PIK3C2G: variants seen among roughly 807,000 people sequenced by gnomAD.
PIK3C2G encodes phosphatidylinositol-4-phosphate 3-kinase catalytic subunit type 2 gamma.
A neutral mutation model predicts 181.1 loss-of-function variants in PIK3C2G; 168 were observed. The ratio of observed to expected loss-of-function variants is 0.93; its 90% CI spans 0.82 to 1.05. PIK3C2G has a LOEUF of 1.05. Ranked by LOEUF, PIK3C2G falls within the 50% of genes least tolerant of loss-of-function variation. The pLI, the probability that PIK3C2G is intolerant of heterozygous loss-of-function variation, is 0.00. For synonymous variants in PIK3C2G, 573 were observed against 592.2 expected (o/e 0.97, Z 0.47); for missense variants, 1,869 against 1,732.8 (o/e 1.08, Z -1.40).
the PIK3C2G span, among the ~76,000 whole-genome samples, chr12:18,673,819 C>T: frequency 6.6e-6 from 1 of 152,164 alleles, no homozygotes; most frequent in Admixed American, 6.5e-5. Flanking sequence ...GGACTCAGGG[C>T]CTCAGTTGCT....
intron 1 of PIK3C2G, among the ~76,000 whole-genome samples, chr12:18,276,766 T>C (rs1949003896): frequency 6.6e-6 from 1 of 152,256 alleles, no homozygotes. Flanking sequence ...TTGACATATA[T>C]ACTTAAAAAC....
chr12:18,257,203 A>C (rs151091412), upstream of PIK3C2G, among the ~76,000 whole-genome samples: 3 of 152,166 alleles, frequency 2.0e-5, no homozygotes, highest in African/African-American at 7.2e-5. Flanking sequence ...AGGAAGTCTT[A>C]AGTTGGATGG....
intron 15 of PIK3C2G, among the ~76,000 whole-genome samples, chr12:18,398,480 C>G (rs531698788): frequency 1.3e-5 from 2 of 152,218 alleles, no homozygotes; most frequent in Admixed American, 6.5e-5. Context: ...AAAGATAGAC[C>G]TTTAAAAGAT....
At chr12:18,303,609 T>C (rs1950301798) in intron 5 of PIK3C2G, among the ~76,000 whole-genome samples, 1 of 152,174 alleles carries the variant, frequency 6.6e-6, no homozygotes, top group Non-Finnish European at 1.5e-5. Context: ...ATTACAGGCA[T>C]GAGCTGCCAC....
chr12:18,685,658 C>A, the PIK3C2G span: 1 of 515,858 alleles, frequency 1.9e-6, no homozygotes, highest in African/African-American at 1.9e-5. Context: ...ATTACCTTGA[C>A]CTAAGAAGAG....
chr12:18,411,545 T>C (rs1024110079), intron 16 of PIK3C2G, among the ~76,000 whole-genome samples: 3 of 152,208 alleles, frequency 2.0e-5, no homozygotes, highest in African/African-American at 7.2e-5. Flanking sequence ...CATCTGATCA[T>C]TTTTAGTACT....
chr12:18,444,663 A>AT lies in PIK3C2G; in HGVS notation c.2504+20631dup, dbSNP rs377077499. 1.7e-3 allele frequency among the ~76,000 whole-genome samples: 263 copies of AT among 152,072 alleles called. 1 individual carries two copies. The highest frequency in any genetic ancestry group is 5.4e-3 in the African/African-American group (223 of 41,514). On this transcript the variant is annotated intron_variant, in intron 18 of 32. Transcript: ENST00000538779. ...AATAACAACAATATCAACAATGACT[A>AT]TTTTTTTCTTTCATTCTTTTCCTTC... is the stretch of plus-strand genomic sequence containing the variant.
chr12:18,431,606 C>G (rs1946162174), intron 18 of PIK3C2G, among the ~76,000 whole-genome samples: 1 of 152,176 alleles, frequency 6.6e-6, no homozygotes, highest in African/African-American at 2.4e-5. Flanking sequence ...GGAACACTCC[C>G]TGAAGCAAGG....
chr12:18,694,917 G>T, the PIK3C2G span: 1 of 1,588,442 alleles, frequency 6.3e-7, no homozygotes, highest in Non-Finnish European at 8.6e-7. Flanking sequence ...TACCCTTATT[G>T]TAAGTGTAAT....
chr12:18,442,174 A>G (rs1946780488), intron 18 of PIK3C2G, among the ~76,000 whole-genome samples: 1 of 150,420 alleles, frequency 6.6e-6, no homozygotes, highest in Non-Finnish European at 1.5e-5. Flanking sequence ...AATGAAAGAT[A>G]TATTGATATG....
chr12:18,564,269 TA>T (rs1945499164), intron 28 of PIK3C2G, among the ~76,000 whole-genome samples: 1 of 151,954 alleles, frequency 6.6e-6, no homozygotes, highest in Non-Finnish European at 1.5e-5. Context: ...CTTCAGTCTA[TA>T]AAAAAGGTGT....
At chr12:18,714,392 A>G in the PIK3C2G span, among the ~76,000 whole-genome samples, 2 of 152,270 alleles carry the variant, frequency 1.3e-5, no homozygotes, top group East Asian at 3.9e-4. Flanking sequence ...TCCATAAAAC[A>G]TGTTTGACAT....
intron 18 of PIK3C2G, among the ~76,000 whole-genome samples, chr12:18,434,249 C>A (rs1038372312): frequency 6.6e-6 from 1 of 152,138 alleles, no homozygotes; most frequent in Admixed American, 6.5e-5. Flanking sequence ...TGAACCCATT[C>A]ATGAGTGAAT....
rs931293972 is a variant in PIK3C2G at position 18,497,687 on chromosome 12, G to T, written c.2955G>T (p.Leu985=). 4.3e-6 allele frequency: 7 copies of T among 1,612,026 alleles called. No homozygotes were observed. The highest frequency in any genetic ancestry group is 5.9e-6 in the Non-Finnish European group (7 of 1,178,442). Residue 985 remains leucine (L), a synonymous_variant, in exon 22 of 33, where the codon CTG becomes CTT. Coordinates refer to ENST00000538779, the MANE Select transcript of PIK3C2G (RefSeq NM_001288772.2). Reference sequence around the variant, plus strand: ...TTCAAGTGATGGACAATATTTGGCTGCAGGAAGGCTTGGATATGCAAATGA... The same window carrying T: ...TTCAAGTGATGGACAATATTTGGCTTCAGGAAGGCTTGGATATGCAAATGA... ...QLIQVMDNIW[L]QEGLDMQMII...
chr12:18,632,700 A>G (rs1157116309), intron 31 of PIK3C2G, among the ~76,000 whole-genome samples: 1 of 152,200 alleles, frequency 6.6e-6, no homozygotes, highest in African/African-American at 2.4e-5. Context: ...TAAGTCCCAG[A>G]GGACCAGAAG....
chr12:18,699,726 A>G, the PIK3C2G span: 1 of 1,452,562 alleles, frequency 6.9e-7, no homozygotes, highest in South Asian at 1.1e-5. Context: ...TCATTGAGCA[A>G]TCTTAACACC....
chr12:18,353,114 G>A (rs1592037558), intron 11 of PIK3C2G, among the ~76,000 whole-genome samples: 1 of 152,276 alleles, frequency 6.6e-6, no homozygotes, highest in East Asian at 1.9e-4. Context: ...TCCCTGCTCT[G>A]AAGAGGCACA....
At chr12:18,690,261 C>A in the PIK3C2G span, among the ~76,000 whole-genome samples, 1 of 152,076 alleles carries the variant, frequency 6.6e-6, no homozygotes, top group South Asian at 2.1e-4. Flanking sequence ...TTGGCTCTTG[C>A]TACCCAAGCT....
chr12:18,424,028 T>A lies in PIK3C2G; in HGVS notation c.2493T>A (p.His831Gln). The A allele has an allele frequency of 6.2e-7, 1 of 1,605,574 alleles. No individual in the cohort carries two copies. Among genetic ancestry groups the A allele is most frequent in the South Asian group, 1.1e-5 (1 of 89,874 alleles). Reference sequence around the variant, plus strand: ...CCTTGCAGAGCATCCAGGTTGCCCATCGTCTTTACTGGTAAGATTAACTAA... The same window carrying A: ...CCTTGCAGAGCATCCAGGTTGCCCAACGTCTTTACTGGTAAGATTAACTAA... ...HRSLQSIQVA[H>Q]RLYWLLKNAE... is the part of the protein sequence containing the mutation. The change falls in exon 18 of 33, where the codon CAT (histidine) becomes CAA (glutamine). Residue 831 changes from histidine to glutamine, a missense_variant. Physicochemically the swap from His to Gln is conservative, Grantham distance 24. Transcript: ENST00000538779.
Sources: gnomAD v4.1 joint callset for allele counts (sites outside exome capture counted in the v4.1 genomes callset) on GRCh38, gnomAD v4.1.1 for gene constraint, MANE v1.5 for transcripts, NCBI Gene and HGNC (gene_info 2026-07-23, HGNC 2026-07-21) for gene names.